SV2C: variants seen among roughly 807,000 people sequenced by gnomAD.
SV2C encodes synaptic vesicle glycoprotein 2C, also known as solute carrier family 22 member B3.
A neutral mutation model predicts 79.7 loss-of-function variants in SV2C; 49 were observed. The ratio of observed to expected loss-of-function variants is 0.61; its 90% CI spans 0.49 to 0.78. The LOEUF is 0.78. Ranked by LOEUF, SV2C falls within the 30% of genes least tolerant of loss-of-function variation. SV2C has a pLI of 0.00. For synonymous variants in SV2C, 334 were observed against 333.2 expected, an observed-to-expected ratio of 1.00 and a Z score of -0.03; for missense variants, 833 against 912.9, an observed-to-expected ratio of 0.91 and a Z score of 1.13.
chr5:76,060,091 G>A, the SV2C span, among the ~76,000 whole-genome samples: 1 of 152,154 alleles, frequency 6.6e-6, no homozygotes, highest in East Asian at 1.9e-4. Context: ...AAACAGATGT[G>A]CTGTCGCTCA....
rs781690240 is a variant in SV2C at position 76,285,163 on chromosome 5, G to A, written c.915G>A (p.Gly305=). The change falls in exon 5 of 13, where the codon GGG becomes GGA. Residue 305 remains glycine (G), a splice_region_variant and synonymous_variant. Transcript: ENST00000502798. ...AMAWAIIPHY[G]WSFSMGSAYQ... Reference sequence around the variant, plus strand: ...ACTCTCCGTGTCCTCCTTTTCCAGGGTGGAGCTTCAGCATGGGATCGGCCT... The same window carrying A: ...ACTCTCCGTGTCCTCCTTTTCCAGGATGGAGCTTCAGCATGGGATCGGCCT... The A allele has an allele frequency of 9.9e-6, 16 of 1,613,922 alleles. No individual in the cohort carries two copies. Among genetic ancestry groups the A allele is most frequent in the Admixed American group, 1.7e-5 (1 of 59,984 alleles).
the SV2C span, chr5:75,911,500 G>A: frequency 7.9e-6 from 6 of 762,156 alleles, no homozygotes; most frequent in African/African-American, 1.1e-4. Flanking sequence ...CTCTGGAGGG[G>A]GTTCAACCAC....
At chr5:76,284,810 G>C (rs186412189) in intron 4 of SV2C, among the ~76,000 whole-genome samples, 3 of 152,250 alleles carry the variant, frequency 2.0e-5, no homozygotes, top group Non-Finnish European at 1.5e-5. Flanking sequence ...GCACACAGCA[G>C]AGTGGGAAAG....
chr5:76,339,814 C>A (rs761454079), intron 12 of SV2C, among the ~76,000 whole-genome samples: 1 of 152,156 alleles, frequency 6.6e-6, no homozygotes, highest in Non-Finnish European at 1.5e-5. Context: ...TGTAGTCCAG[C>A]GTCTGGCTTT....
rs1190144482 is a variant in SV2C at position 76,120,178 on chromosome 5, ATT to A, written c.-101-11470_-101-11469del. Among the ~76,000 whole-genome samples, 5 of 152,274 alleles carry A rather than the reference ATT, an allele frequency of 3.3e-5. No homozygotes were observed. The East Asian group carries it at 7.7e-4, about 23-fold the overall frequency. ...TTTTAAAAAGAATCTACCAGCACAC[ATT>A]TCATAAATCATCAGAGCAATGATAT... is the stretch of plus-strand genomic sequence containing the variant. On this transcript the variant is annotated intron_variant, in intron 1 of 12. Transcript: ENST00000502798.
At chr5:76,049,289 A>T in the SV2C span, among the ~76,000 whole-genome samples, 1 of 149,808 alleles carries the variant, frequency 6.7e-6, no homozygotes, top group Non-Finnish European at 1.5e-5. Context: ...GTGAGCTGAG[A>T]TCGCGCCACT....
the SV2C span, among the ~76,000 whole-genome samples, chr5:76,039,183 C>G: frequency 3.3e-5 from 5 of 152,202 alleles, no homozygotes; most frequent in Non-Finnish European, 1.5e-5. Flanking sequence ...CTGCTCTGTC[C>G]TTTATTTCCT....
chr5:76,301,483 GA>G lies in SV2C; in HGVS notation c.1939del (p.Thr647ProfsTer28). ...IGMLCLYNGLTISAWNSLDVV... is the reference protein window; with the variant it reads ...IGMLCLYNGLXISAWNSLDVV... ...GCATGCTGTGTCTGTACAATGGATTGACCATCTCAGCCTGGAACTCTCTTGA... is the reference window on the plus strand; with the variant it reads ...GCATGCTGTGTCTGTACAATGGATTGCCATCTCAGCCTGGAACTCTCTTGA... On this transcript the variant is annotated frameshift_variant, in exon 12 of 13. Coordinates refer to ENST00000502798, the MANE Select transcript of SV2C (RefSeq NM_014979.4). LOFTEE classifies it high-confidence loss of function. 1 of 1,613,996 alleles carries G rather than the reference GA, an allele frequency of 6.2e-7. No individual in the cohort carries two copies. Among genetic ancestry groups the G allele is most frequent in the Non-Finnish European group, 8.5e-7 (1 of 1,179,974 alleles).
upstream of SV2C, chr5:76,078,639 A>G: frequency 2.4e-6 from 1 of 409,374 alleles, no homozygotes; most frequent in South Asian, 2.2e-5. Flanking sequence ...TACCGGAGGC[A>G]TGGCACAGGG....
At chr5:75,956,674 AG>A in the SV2C span, among the ~76,000 whole-genome samples, 1 of 151,948 alleles carries the variant, frequency 6.6e-6, no homozygotes, top group Non-Finnish European at 1.5e-5. Flanking sequence ...CATCCCCGCA[AG>A]TATACTACAC....
chr5:76,065,397 A>G, the SV2C span, among the ~76,000 whole-genome samples: 2 of 152,190 alleles, frequency 1.3e-5, no homozygotes, highest in Non-Finnish European at 2.9e-5. Flanking sequence ...AGAAATTATA[A>G]AAATCAAAGA....
chr5:75,887,330 G>T, the SV2C span, among the ~76,000 whole-genome samples: 1 of 151,964 alleles, frequency 6.6e-6, no homozygotes. Context: ...GTTTAACTGA[G>T]ATTTTGAACC....
chr5:76,309,816 T>G (rs1314653343), intron 12 of SV2C, among the ~76,000 whole-genome samples: 1 of 152,016 alleles, frequency 6.6e-6, no homozygotes, highest in Non-Finnish European at 1.5e-5. Context: ...TGGCAGGTTT[T>G]GTTTATGTTT....
intron 2 of SV2C, among the ~76,000 whole-genome samples, chr5:76,183,268 G>T (rs1287712617): frequency 1.3e-5 from 2 of 151,672 alleles, no homozygotes; most frequent in East Asian, 1.9e-4. Context: ...CAGGTGGTCT[G>T]CCCGCCTTGG....
chr5:76,348,020 T>C (rs913559122), intron 12 of SV2C, among the ~76,000 whole-genome samples: 17 of 152,210 alleles, frequency 1.1e-4, no homozygotes, highest in African/African-American at 2.9e-4. Context: ...TCCACCATTA[T>C]AGAATCATAC....
chr5:76,318,897 C>T (rs889808530), intron 12 of SV2C, among the ~76,000 whole-genome samples: 3 of 152,188 alleles, frequency 2.0e-5, no homozygotes, highest in Non-Finnish European at 4.4e-5. Flanking sequence ...GAGAAGTCGG[C>T]AAGTCAGGGT....
chr5:76,064,357 G>A, the SV2C span, among the ~76,000 whole-genome samples: 3 of 152,102 alleles, frequency 2.0e-5, no homozygotes, highest in South Asian at 6.2e-4. Context: ...CCACCAGGCG[G>A]GAGTCTTCCT....
At chr5:75,946,894 T>C in the SV2C span, among the ~76,000 whole-genome samples, 1 of 152,274 alleles carries the variant, frequency 6.6e-6, no homozygotes, top group African/African-American at 2.4e-5. Flanking sequence ...ATAAAATGAA[T>C]GAAATTTACT....
At chr5:75,859,245 A>G in the SV2C span, among the ~76,000 whole-genome samples, 1 of 152,226 alleles carries the variant, frequency 6.6e-6, no homozygotes, top group African/African-American at 2.4e-5. Context: ...CGATGAAGTC[A>G]TTATCTATCA....
Sources: gnomAD v4.1 joint callset for allele counts (sites outside exome capture counted in the v4.1 genomes callset) on GRCh38, gnomAD v4.1.1 for gene constraint, MANE v1.5 for transcripts, NCBI Gene and HGNC (gene_info 2026-07-23, HGNC 2026-07-21) for gene names.